The following AKAP17A variants were observed in gnomAD, a reference collection of about 807,000 sequenced individuals.
AKAP17A encodes A-kinase anchoring protein 17A, also known as A-kinase anchor protein 17A.
Under a neutral mutation model 52.2 loss-of-function variants are expected in AKAP17A, and 15 were observed. The ratio of observed to expected loss-of-function variants is 0.29; its 90% CI spans 0.19 to 0.44. The LOEUF (loss-of-function observed/expected upper bound fraction) is 0.44. Ranked by LOEUF, AKAP17A falls within the 20% of genes least tolerant of loss-of-function variation. The probability of loss-of-function intolerance (pLI) is 1.00; values close to 1 mark genes in which losing one functional copy is unlikely to be tolerated. For synonymous variants in AKAP17A, 514 were observed against 424.7 expected, an observed-to-expected ratio of 1.21 and a Z score of -2.58; for missense variants, 1,060 against 1,007.0, an observed-to-expected ratio of 1.05 and a Z score of -0.71.
At chrX:1,595,776 C>T (rs778956707) in intron 3 of AKAP17A, among the ~76,000 whole-genome samples, 3 of 151,752 alleles carry the variant, frequency 2.0e-5, no homozygotes, top group Admixed American at 6.6e-5. Flanking sequence ...CCTGTGTGTG[C>T]GTGCATGTGT....
intron 3 of AKAP17A, among the ~76,000 whole-genome samples, chrX:1,598,015 T>C (rs1933104742): frequency 1.3e-5 from 2 of 152,160 alleles, no homozygotes; most frequent in South Asian, 4.1e-4. Context: ...CCTCCTGCAT[T>C]TCTTTCTGGT....
rs780574340 is a variant in AKAP17A, at chrX:1,599,775, G to A, written c.1152+343G>A. On this transcript the variant is annotated intron_variant, in intron 4 of 4. Transcript: ENST00000313871. ...CAGGGGGCCGCTCCCTCTGGCCCGCGCCTCTGTGTGTGGTCAGCTGGCCTG... is the reference window on the plus strand; with the variant it reads ...CAGGGGGCCGCTCCCTCTGGCCCGCACCTCTGTGTGTGGTCAGCTGGCCTG... The A allele has an allele frequency of 5.1e-4, 312 of 605,958 alleles. 4 individuals are homozygous for A. Among genetic ancestry groups the A allele is most frequent in the South Asian group, 3.4e-3 (168 of 50,056 alleles). The allele number at this position is 605,958 out of a possible 1,614,324, so 37.5% of individuals were successfully genotyped here.
At chrX:1,595,827 G>A (rs1304745694) in intron 3 of AKAP17A, among the ~76,000 whole-genome samples, 1 of 151,832 alleles carries the variant, frequency 6.6e-6, no homozygotes, top group African/African-American at 2.4e-5. Context: ...GTGCACGTGT[G>A]CCCACATGTG....
chrX:1,600,140 G>A, intron 4 of AKAP17A: 1 of 1,302,762 alleles, frequency 7.7e-7, no homozygotes, highest in African/African-American at 1.5e-5. Flanking sequence ...GATTACAGTT[G>A]TGATAAGTCC....
intron 3 of AKAP17A, among the ~76,000 whole-genome samples, chrX:1,598,563 T>A (rs1358806968): frequency 6.6e-6 from 1 of 152,102 alleles, no homozygotes; most frequent in East Asian, 1.9e-4. Flanking sequence ...CGGGGGAGGC[T>A]GAGCTAGGGA....
At position 1,599,274 on chromosome X, in the gene AKAP17A, C is replaced by T. The variant is rs766136204; in HGVS notation, c.994C>T (p.Arg332Cys). ...CAAGAGGGAGCAGAAGCAGAGGGAC[C>T]GTGAGCTGCGCCGGAATCAGAAGAA... The part of the protein sequence containing the change: ...LRKREQKQRD[R>C]ELRRNQKKLE... The change falls in exon 4 of 5, where the codon CGT becomes TGT. Residue 332 changes from arginine (R) to cysteine (C), a missense_variant. Transcript: ENST00000313871. The T allele has an allele frequency of 4.3e-5, 69 of 1,612,194 alleles. No individual in the cohort carries two copies. In the South Asian group the frequency reaches 6.5e-4, roughly 15 times the overall value.
At position 1,594,093 on chromosome X, in the gene AKAP17A, G is replaced by T; in HGVS notation, c.631G>T (p.Gly211Trp). ...GRNFHTFSFG[G>W]HLNFEAYVQY... ...CAACTTCCACACCTTCAGTTTCGGG[G>T]GGCACTTGAACTTCGAGGCCTATGT... Residue 211 changes from glycine to tryptophan, a missense_variant, in exon 2 of 5, where the codon GGG becomes TGG. Coordinates refer to ENST00000313871, the MANE Select transcript of AKAP17A (RefSeq NM_005088.3). 6.2e-7 allele frequency: 1 copy of T among 1,613,678 alleles called. No homozygotes were observed. The highest frequency in any genetic ancestry group is 8.5e-7 in the Non-Finnish European group (1 of 1,179,782).
intron 3 of AKAP17A, among the ~76,000 whole-genome samples, chrX:1,598,288 C>T (rs1234439780): frequency 2.2e-4 from 34 of 151,894 alleles, no homozygotes; most frequent in Admixed American, 2.0e-3. Flanking sequence ...GTCTGGGCGT[C>T]GGCACCTGGC....
rs746823119 is a variant in AKAP17A at position 1,595,470 on chromosome X, G to C, written c.849G>C (p.Gln283His). The part of the protein sequence containing the change: ...LERQKLQELE[Q>H]QREEQKRREK... ...GGCAGAAGCTTCAGGAACTGGAGCA[G>C]CAAAGAGAAGAACAAAAGCGCAGAG... Residue 283 changes from glutamine (Q) to histidine (H), a missense_variant, in exon 3 of 5, where the codon CAG becomes CAC. Transcript: ENST00000313871. 2.5e-6 allele frequency: 4 copies of C among 1,614,016 alleles called. No individual in the cohort carries two copies. In the East Asian group the frequency reaches 8.9e-5, roughly 36 times the overall value.
intron 3 of AKAP17A, among the ~76,000 whole-genome samples, chrX:1,598,810 C>A (rs1933172810): frequency 6.6e-6 from 1 of 152,220 alleles, no homozygotes; most frequent in Non-Finnish European, 1.5e-5. Context: ...GAACCGGCGT[C>A]CTCCGCGCCG....
Position 1,598,245 on chromosome X carries a change from TGCATGCCCCGCCCGGAGACCGTGTG to T in AKAP17A, c.912-945_912-921del, listed in dbSNP as rs1933124557. ...CAGCACATGAAACTGCCTGAGGACC[TGCATGCCCCGCCCGGAGACCGTGTG>T]GATCACTGTCTGGGCGTCGGCACCT... On this transcript the variant is annotated intron_variant, in intron 3 of 4. Coordinates refer to ENST00000313871, the MANE Select transcript of AKAP17A (RefSeq NM_005088.3). 3.9e-5 allele frequency among the ~76,000 whole-genome samples: 6 copies of T among 152,322 alleles called. No individual in the cohort carries two copies. In the South Asian group the frequency reaches 1.2e-3, roughly 32 times the overall value.
chrX:1,599,294 G>A lies in AKAP17A; in HGVS notation c.1014G>A (p.Gln338=). ...KQRDRELRRN[Q]KKLEKLQAEE... is the part of the protein sequence containing the mutation. Reference sequence around the variant, plus strand: ...GGGACCGTGAGCTGCGCCGGAATCAGAAGAAGCTGGAGAAGCTGCAGGCGG... The same window carrying A: ...GGGACCGTGAGCTGCGCCGGAATCAAAAGAAGCTGGAGAAGCTGCAGGCGG... The change falls in exon 4 of 5, where the codon CAG becomes CAA. Residue 338 remains glutamine (Q), a synonymous_variant. Transcript: ENST00000313871. The A allele has an allele frequency of 1.2e-6, 2 of 1,611,304 alleles. No individual in the cohort carries two copies. Among genetic ancestry groups the A allele is most frequent in the East Asian group, 2.2e-5 (1 of 44,858 alleles).
Position 1,593,595 on chromosome X carries a change from T to A in AKAP17A, c.133T>A (p.Ser45Thr), listed in dbSNP as rs1932879244. 1 of 1,613,690 alleles carries A rather than the reference T, an allele frequency of 6.2e-7. No homozygotes were observed. The highest frequency in any genetic ancestry group is 1.3e-5 in the African/African-American group (1 of 74,996). ...ALPQLKQPGK[S>T]ISNWEVMERL... ...CCCGCAGCTGAAGCAGCCGGGGAAGTCCATCTCCAACTGGGAGGTGATGGA... is the reference window on the plus strand; with the variant it reads ...CCCGCAGCTGAAGCAGCCGGGGAAGACCATCTCCAACTGGGAGGTGATGGA... The change falls in exon 2 of 5, where the codon TCC becomes ACC. Residue 45 changes from serine (S) to threonine (T), a missense_variant. Coordinates refer to ENST00000313871, the MANE Select transcript of AKAP17A (RefSeq NM_005088.3).
At chrX:1,594,256 T>A (rs748846715) in intron 2 of AKAP17A, 32 bp downstream of exon 2, 4 of 1,499,024 alleles carry the variant, frequency 2.7e-6, no homozygotes. Flanking sequence ...AGCCACGCGC[T>A]TCCTCCCTCT....
chrX:1,597,681 C>T (rs1287920281), intron 3 of AKAP17A, among the ~76,000 whole-genome samples: 4 of 151,926 alleles, frequency 2.6e-5, no homozygotes, highest in Non-Finnish European at 4.4e-5. Context: ...GTCCCCGCAA[C>T]ATTTCAGAAA....
chrX:1,601,888 G>C lies in AKAP17A; in HGVS notation c.*294G>C, dbSNP rs187864530. 2 of 358,608 alleles carry C rather than the reference G, an allele frequency of 5.6e-6. No homozygotes were observed. Among genetic ancestry groups the C allele is most frequent in the Non-Finnish European group, 1.0e-5 (2 of 200,382 alleles). 22.2% of individuals were successfully genotyped at this position (358,608 alleles called of 1,614,324 possible). On this transcript the variant is annotated 3_prime_UTR_variant, in exon 5 of 5. Transcript: ENST00000313871. ...CTCAGTCAGGAAAATTGCACAGACC[G>C]ACAGTCGTGAGGATGGCAGAGCTGC...
At chrX:1,598,085 G>A (rs1417611760) in intron 3 of AKAP17A, among the ~76,000 whole-genome samples, 1 of 152,206 alleles carries the variant, frequency 6.6e-6, no homozygotes, top group African/African-American at 2.4e-5. Flanking sequence ...AGCTTGATGA[G>A]AGCTGTCCTC....
Position 1,594,049 on chromosome X carries a change from GGGA to G in AKAP17A, c.592_594del (p.Glu198del). The G allele has an allele frequency of 6.2e-7, 1 of 1,612,672 alleles. No individual in the cohort carries two copies. Among genetic ancestry groups the G allele is most frequent in the Non-Finnish European group, 8.5e-7 (1 of 1,179,324 alleles). On this transcript the variant is annotated inframe_deletion, in exon 2 of 5. Transcript: ENST00000313871. ...GACATCCCCATGCTGGACCCCTACCGGGAGGAGATGACGGGCCGCAACTTCCAC... is the reference window on the plus strand; with the variant it reads ...GACATCCCCATGCTGGACCCCTACCGGGAGATGACGGGCCGCAACTTCCAC...
At chrX:1,594,373 T>C in intron 2 of AKAP17A, 149 bp downstream of exon 2, 2 of 946,112 alleles carry the variant, frequency 2.1e-6, no homozygotes, top group Non-Finnish European at 2.9e-6. Context: ...GCCTGTCCAA[T>C]TTCAGAGGCA....
Sources: allele counts gnomAD v4.1 joint callset (sites outside exome capture counted in the v4.1 genomes callset), GRCh38; gene constraint gnomAD v4.1.1; transcripts MANE v1.5; gene names NCBI Gene and HGNC (gene_info 2026-07-23, HGNC 2026-07-21).